PDE4D: variants seen among roughly 807,000 people sequenced by gnomAD.
PDE4D encodes the protein 3',5'-cyclic-AMP phosphodiesterase 4D.
A neutral mutation model predicts 87.4 loss-of-function variants in PDE4D; 24 were observed. The ratio of observed to expected loss-of-function variants is 0.27; its 90% CI spans 0.20 to 0.39. The LOEUF (loss-of-function observed/expected upper bound fraction) is 0.39. Ranked by LOEUF, PDE4D falls within the 10% of genes least tolerant of loss-of-function variation. PDE4D has a pLI of 1.00. For synonymous variants in PDE4D, 384 were observed against 383.2 expected, an observed-to-expected ratio of 1.00 and a Z score of -0.02; for missense variants, 714 against 1,041.0, an observed-to-expected ratio of 0.69 and a Z score of 4.32.
chr5:59,000,663 A>C (rs1750331418), intron 6 of PDE4D, among the ~76,000 whole-genome samples: 1 of 152,152 alleles, frequency 6.6e-6, no homozygotes, highest in Non-Finnish European at 1.5e-5. Context: ...TATAGAACTC[A>C]GGATCTGTAT....
intron 1 of PDE4D, among the ~76,000 whole-genome samples, chr5:59,873,646 C>G (rs1466331994): frequency 1.3e-5 from 2 of 152,208 alleles, no homozygotes; most frequent in Non-Finnish European, 1.5e-5. Flanking sequence ...CTTTAAAATA[C>G]TGGTGTAATA....
intron 1 of PDE4D, among the ~76,000 whole-genome samples, chr5:59,812,341 C>T (rs544292161): frequency 1.1e-4 from 17 of 152,160 alleles, no homozygotes; most frequent in Non-Finnish European, 1.9e-4. Context: ...TATAAATTCA[C>T]AGGCTCAATT....
intron 1 of PDE4D, among the ~76,000 whole-genome samples, chr5:59,561,991 T>A (rs1000662992): frequency 6.6e-6 from 1 of 151,974 alleles, no homozygotes; most frequent in Non-Finnish European, 1.5e-5. Flanking sequence ...ATACTGTACA[T>A]GTTTGCATGC....
intron 1 of PDE4D, among the ~76,000 whole-genome samples, chr5:59,813,605 A>G (rs912017336): frequency 2.0e-5 from 3 of 152,242 alleles, no homozygotes; most frequent in African/African-American, 7.2e-5. Flanking sequence ...AATTATTTTC[A>G]AGTTTTTCAG....
chr5:59,636,657 G>T (rs1832289353), intron 1 of PDE4D, among the ~76,000 whole-genome samples: 1 of 152,170 alleles, frequency 6.6e-6, no homozygotes, highest in Non-Finnish European at 1.5e-5. Flanking sequence ...ATGGGGAATG[G>T]ATTCCCTATT....
At chr5:59,600,054 A>G (rs988335959) in intron 1 of PDE4D, among the ~76,000 whole-genome samples, 3 of 152,064 alleles carry the variant, frequency 2.0e-5, no homozygotes, top group Non-Finnish European at 2.9e-5. Flanking sequence ...CTTGTTTTCC[A>G]ATTGCTGCTG....
chr5:59,310,246 CT>C (rs910218058), intron 1 of PDE4D, among the ~76,000 whole-genome samples: 2 of 152,138 alleles, frequency 1.3e-5, no homozygotes, highest in Admixed American at 1.3e-4. Context: ...ATTATGCTTC[CT>C]TTTTTTCTGT....
At chr5:59,397,916 A>G (rs1431178385) in intron 1 of PDE4D, among the ~76,000 whole-genome samples, 4 of 121,950 alleles carry the variant, frequency 3.3e-5, no homozygotes, top group South Asian at 2.7e-4. Flanking sequence ...ACGATCCCAC[A>G]GAAATACAAA....
chr5:58,982,276 T>A (rs1016466219), intron 11 of PDE4D, among the ~76,000 whole-genome samples: 1 of 152,198 alleles, frequency 6.6e-6, no homozygotes, highest in Non-Finnish European at 1.5e-5. Flanking sequence ...CTTTATGGCC[T>A]TCTGGAGAAC....
At chr5:60,055,040 A>G (rs1323448117) in intron 2 of PDE4D, among the ~76,000 whole-genome samples, 1 of 152,120 alleles carries the variant, frequency 6.6e-6, no homozygotes, top group Non-Finnish European at 1.5e-5. Context: ...TCAATCATGT[A>G]GCCCATTACA....
intron 2 of PDE4D, among the ~76,000 whole-genome samples, chr5:59,198,783 CT>C (rs1290543438): frequency 5.9e-5 from 9 of 152,170 alleles, no homozygotes; most frequent in African/African-American, 1.9e-4. Flanking sequence ...ATTTTCTACC[CT>C]TTTTCTTTCT....
intron 1 of PDE4D, among the ~76,000 whole-genome samples, chr5:60,424,407 C>T (rs1743451837): frequency 6.6e-6 from 1 of 152,128 alleles, no homozygotes; most frequent in Admixed American, 6.5e-5. Flanking sequence ...TAATCCATCA[C>T]GTCAACAGAA....
chr5:59,690,600 T>C (rs1004488992), intron 1 of PDE4D, among the ~76,000 whole-genome samples: 2 of 152,110 alleles, frequency 1.3e-5, no homozygotes, highest in African/African-American at 4.8e-5. Context: ...ATGTTAGACC[T>C]AAAACCATAA....
intron 1 of PDE4D, among the ~76,000 whole-genome samples, chr5:59,811,989 G>A (rs1014114656): frequency 5.9e-5 from 9 of 152,154 alleles, no homozygotes; most frequent in African/African-American, 1.4e-4. Context: ...TGAGCCTAGC[G>A]CGAGGAAAGT....
chr5:60,506,164 TAGGAAAGGACAC>T (rs1750312170), intron 1 of PDE4D, among the ~76,000 whole-genome samples: 1 of 152,244 alleles, frequency 6.6e-6, no homozygotes, highest in South Asian at 2.1e-4. Flanking sequence ...GTAGGGCATA[TAGGAAAGGACAC>T]AGTTCCTGTT....
intron 1 of PDE4D, among the ~76,000 whole-genome samples, chr5:60,304,331 T>C (rs1754230697): frequency 6.6e-6 from 1 of 151,578 alleles, no homozygotes; most frequent in African/African-American, 2.4e-5. Context: ...TCTGCAGAGG[T>C]AGAGCCTTTG....
chr5:59,211,522 TGTA>T (rs1289518211), intron 2 of PDE4D, among the ~76,000 whole-genome samples: 1 of 152,188 alleles, frequency 6.6e-6, no homozygotes. Context: ...CAGTTTTTGC[TGTA>T]GTAGTATAAA....
At chr5:59,542,792 T>A (rs1400348328) in intron 1 of PDE4D, among the ~76,000 whole-genome samples, 1 of 152,128 alleles carries the variant, frequency 6.6e-6, no homozygotes, top group African/African-American at 2.4e-5. Context: ...TGAAATTAGA[T>A]TGAAATTTAG....
At chr5:59,065,614 G>T (rs909343155) in intron 5 of PDE4D, among the ~76,000 whole-genome samples, 3 of 152,098 alleles carry the variant, frequency 2.0e-5, no homozygotes, top group Non-Finnish European at 4.4e-5. Flanking sequence ...CAAACATCTT[G>T]CAGAATAAAC....
Sources: allele counts gnomAD v4.1 joint callset (sites outside exome capture counted in the v4.1 genomes callset), GRCh38; gene constraint gnomAD v4.1.1; transcripts MANE v1.5; gene names NCBI Gene and HGNC (gene_info 2026-07-23, HGNC 2026-07-21).